TSPAN7: variants seen among roughly 807,000 people sequenced by gnomAD.
TSPAN7 encodes the protein tetraspanin-7.
In TSPAN7, 1 loss-of-function variant was observed where a neutral mutation model predicts 17.6. That is an observed-to-expected ratio of 0.06 (90% CI 0.02 to 0.27). The LOEUF is 0.27. TSPAN7 is among the 10% of genes least tolerant of loss of function. The pLI is 1.00. For synonymous variants in TSPAN7, 78 were observed against 79.0 expected (o/e 0.99, Z 0.07); for missense variants, 112 against 201.7 (o/e 0.56, Z 2.69).
At chrX:38,656,503 G>T (rs1023660788) in intron 1 of TSPAN7, among the ~76,000 whole-genome samples, 6 of 111,320 alleles carry the variant, frequency 5.4e-5, no homozygotes, top group African/African-American at 2.0e-4. Flanking sequence ...AGTGCTCCTG[G>T]CACTCACACG....
At chrX:38,674,371 T>TTCA in intron 4 of TSPAN7, 55 bp downstream of exon 4, 3 of 1,041,627 alleles carry the variant, frequency 2.9e-6, no homozygotes, top group South Asian at 2.0e-5. Context: ...AGGCTTAGAC[T>TTCA]TATGGACTGC....
At chrX:38,615,094 T>C (rs1423669151) in intron 1 of TSPAN7, among the ~76,000 whole-genome samples, 1 of 111,180 alleles carries the variant, frequency 9.0e-6, no homozygotes. Flanking sequence ...TAGCCTTAAG[T>C]ATGGACTGGG....
At chrX:38,603,298 A>C (rs898161169) in intron 1 of TSPAN7, among the ~76,000 whole-genome samples, 10 of 112,185 alleles carry the variant, frequency 8.9e-5, no homozygotes, top group African/African-American at 3.2e-4. Flanking sequence ...ACCCTAATAC[A>C]TCGCTGGTGG....
intron 1 of TSPAN7, among the ~76,000 whole-genome samples, chrX:38,599,310 C>G (rs763371746): frequency 4.5e-5 from 5 of 110,841 alleles, no homozygotes; most frequent in African/African-American, 9.8e-5. Flanking sequence ...GATGAGTCCT[C>G]ATGAATCAAG....
At chrX:38,673,364 C>CTTTTTTTT (rs1173827469) in intron 3 of TSPAN7, among the ~76,000 whole-genome samples, 1 of 85,971 alleles carries the variant, frequency 1.2e-5, no homozygotes, top group African/African-American at 4.6e-5. Flanking sequence ...GTTTTGTTAA[C>CTTTTTTTT]TTTTTTTTTT....
At chrX:38,655,841 G>A (rs1446594312) in intron 1 of TSPAN7, among the ~76,000 whole-genome samples, 1 of 111,962 alleles carries the variant, frequency 8.9e-6, no homozygotes, top group Non-Finnish European at 1.9e-5. Context: ...TTTTGAAGAT[G>A]ATAATCCTAT....
intron 6 of TSPAN7, among the ~76,000 whole-genome samples, chrX:38,681,569 T>G (rs2069891869): frequency 8.9e-6 from 1 of 112,318 alleles, no homozygotes; most frequent in Non-Finnish European, 1.9e-5. Context: ...CTGAAGAACG[T>G]GCTGGCATAA....
At chrX:38,642,569 G>A (rs2069619375) in intron 1 of TSPAN7, among the ~76,000 whole-genome samples, 1 of 112,098 alleles carries the variant, frequency 8.9e-6, no homozygotes, top group East Asian at 2.8e-4. Context: ...AAAATCCAGA[G>A]GATGAAAGAT....
intron 1 of TSPAN7, among the ~76,000 whole-genome samples, chrX:38,664,237 A>G (rs867671649): frequency 2.7e-5 from 3 of 111,757 alleles, no homozygotes; most frequent in Non-Finnish European, 3.8e-5. Context: ...CAGAGAAATG[A>G]AAAAAATATA....
intron 6 of TSPAN7, among the ~76,000 whole-genome samples, chrX:38,685,353 C>T (rs1374364287): frequency 5.3e-5 from 6 of 112,327 alleles, no homozygotes; most frequent in Non-Finnish European, 9.4e-5. Flanking sequence ...GGTACAGTGG[C>T]TCATGCCTGT....
chrX:38,674,165 T>G (rs1255280890), intron 3 of TSPAN7, 56 bp from the exon 4 acceptor site: 1 of 920,316 alleles, frequency 1.1e-6, no homozygotes, highest in East Asian at 3.3e-5. Flanking sequence ...TGGTAAGAAT[T>G]GGAGTCAGTT....
rs1229250495 is a variant in TSPAN7, at chrX:38,688,202, A to T, written c.*271A>T. On this transcript the variant is annotated 3_prime_UTR_variant, in exon 8 of 8. Transcript: ENST00000378482. ...CCTGCAGCTAGTCCTAGTGAACCTC[A>T]CCCCGAGGCCCTGCATGGGCCAGCC... 1.8e-5 allele frequency: 2 copies of T among 112,118 alleles called. No individual in the cohort carries two copies. The highest frequency in any genetic ancestry group is 3.3e-5 in the African/African-American group (1 of 30,674). 9.2% of individuals were successfully genotyped at this position (112,118 alleles called of 1,213,427 possible). A position where few individuals can be genotyped will look rare whatever the true frequency, so the allele number is the denominator to read the frequency against.
At chrX:38,641,105 G>A (rs1569310503) in intron 1 of TSPAN7, among the ~76,000 whole-genome samples, 1 of 112,123 alleles carries the variant, frequency 8.9e-6, no homozygotes, top group Non-Finnish European at 1.9e-5. Flanking sequence ...TAGAGGATTT[G>A]TGTGTAGAAT....
At position 38,636,495 on chromosome X, in the gene TSPAN7, A is replaced by G. The variant is rs1002548938; in HGVS notation, c.82-29626A>G. Among the ~76,000 whole-genome samples, 3 of 111,496 alleles carry G rather than the reference A, an allele frequency of 2.7e-5. No homozygotes were observed. In the East Asian group the frequency reaches 8.4e-4, roughly 31 times the overall value. On this transcript the variant is annotated intron_variant, in intron 1 of 7. Transcript: ENST00000378482. The stretch of plus-strand genomic sequence containing the variant: ...TGAGAATGAACTCAAAGATCAGAGC[A>G]TCATGGAAAATGGTGGAACTCCAGC...
intron 1 of TSPAN7, among the ~76,000 whole-genome samples, chrX:38,583,955 T>C (rs1401300120): frequency 3.3e-5 from 3 of 91,470 alleles, no homozygotes; most frequent in Admixed American, 1.2e-4. Flanking sequence ...TTTTCTTTTT[T>C]TTTTTTTTTT....
chrX:38,603,760 G>A (rs1404186116), intron 1 of TSPAN7, among the ~76,000 whole-genome samples: 2 of 110,601 alleles, frequency 1.8e-5, no homozygotes, highest in Non-Finnish European at 3.8e-5. Flanking sequence ...AACAGTTAAG[G>A]TATGTAGGGT....
intron 1 of TSPAN7, among the ~76,000 whole-genome samples, chrX:38,625,056 G>C (rs1428081676): frequency 2.7e-5 from 3 of 111,729 alleles, no homozygotes; most frequent in Non-Finnish European, 5.6e-5. Context: ...ATGAAAAATA[G>C]TTCCCCCTTG....
chrX:38,596,469 T>A (rs903219266), intron 1 of TSPAN7, among the ~76,000 whole-genome samples: 4 of 112,039 alleles, frequency 3.6e-5, no homozygotes, highest in Admixed American at 2.8e-4. Context: ...AAAGTTTACT[T>A]ACTTTTTAGT....
chrX:38,579,211 A>G (rs2069213517), intron 1 of TSPAN7, among the ~76,000 whole-genome samples: 1 of 111,652 alleles, frequency 9.0e-6, no homozygotes, highest in Non-Finnish European at 1.9e-5. Flanking sequence ...TCAAAGGTAG[A>G]GTGCCTTTAT....
Sources: allele counts gnomAD v4.1 joint callset (sites outside exome capture counted in the v4.1 genomes callset), GRCh38; gene constraint gnomAD v4.1.1; transcripts MANE v1.5; gene names NCBI Gene and HGNC (gene_info 2026-07-23, HGNC 2026-07-21).